The following DNAH14 variants were observed in gnomAD, a reference collection of about 807,000 sequenced individuals.
DNAH14 encodes dynein axonemal heavy chain 14, also known as axonemal beta dynein heavy chain 14.
In DNAH14, 478 loss-of-function variants were observed where a neutral mutation model predicts 520.9. The ratio of observed to expected loss-of-function variants is 0.92; its 90% CI spans 0.85 to 0.99. The LOEUF (loss-of-function observed/expected upper bound fraction) is 0.99. DNAH14 is among the 50% of genes least tolerant of loss of function. DNAH14 has a pLI of 0.00. For missense variants in DNAH14, 4,831 were observed against 5,234.5 expected (o/e 0.92, Z 2.38); for synonymous variants, 1,581 against 1,757.2 (o/e 0.90, Z 2.51).
At chr1:225,253,645 A>C (rs2092636033) in intron 44 of DNAH14, among the ~76,000 whole-genome samples, 1 of 151,990 alleles carries the variant, frequency 6.6e-6, no homozygotes, top group African/African-American at 2.4e-5. Context: ...ATGTGTTTTG[A>C]AGGTCACCCA....
chr1:225,326,528 G>A (rs567990917), intron 64 of DNAH14, among the ~76,000 whole-genome samples: 2 of 152,150 alleles, frequency 1.3e-5, no homozygotes, highest in Admixed American at 1.3e-4. Flanking sequence ...GGACCCTTTA[G>A]CAATCACTAC....
At chr1:225,325,031 A>C (rs899319855) in intron 64 of DNAH14, among the ~76,000 whole-genome samples, 199 bp downstream of exon 64, 8 of 151,856 alleles carry the variant, frequency 5.3e-5, no homozygotes, top group Admixed American at 3.9e-4. Context: ...ACCACATAAT[A>C]AAACACTCTA....
At chr1:225,314,321 T>A (rs2094428564) in intron 60 of DNAH14, among the ~76,000 whole-genome samples, 1 of 152,240 alleles carries the variant, frequency 6.6e-6, no homozygotes, top group African/African-American at 2.4e-5. Context: ...TATTTTGACC[T>A]ATGTGTGTCT....
intron 8 of DNAH14, among the ~76,000 whole-genome samples, chr1:224,976,264 C>T (rs9426103): frequency 0.096 from 14,551 of 150,886 alleles, 2,249 homozygotes; most frequent in African/African-American, 0.33. Flanking sequence ...GAGCTGAGTT[C>T]AATTCCTGGG....
In DNAH14 at chr1:225,272,970, C is replaced by T. The variant is rs1003176230; in HGVS notation, c.7855C>T (p.Leu2619=). ...RDMFKLLLGL[L]QADRTVVNSK... ...TCCCTAACAGCTTCTCCTAGGATTG[C>T]TGCAAGCTGACAGGACTGTTGTTAA... The change falls in exon 52 of 86, where the codon CTG becomes TTG. Residue 2619 remains leucine, a synonymous_variant. Transcript: ENST00000682510. The T allele has an allele frequency of 1.2e-5, 18 of 1,537,886 alleles. No individual in the cohort carries two copies. The highest frequency in any genetic ancestry group is 1.3e-5 in the Non-Finnish European group (15 of 1,143,422).
chr1:225,141,158 A>C, intron 28 of DNAH14, 137 bp downstream of exon 28: 3 of 829,826 alleles, frequency 3.6e-6, no homozygotes, highest in Non-Finnish European at 5.4e-6. Flanking sequence ...AGCAAACTGT[A>C]CCAATCTGAG....
intron 21 of DNAH14, among the ~76,000 whole-genome samples, chr1:225,094,556 G>A (rs986600297): frequency 2.7e-5 from 4 of 150,494 alleles, no homozygotes; most frequent in African/African-American, 7.3e-5. Context: ...CCATTCTAGG[G>A]GCCAAGGCAA....
intron 68 of DNAH14, among the ~76,000 whole-genome samples, chr1:225,339,701 T>C (rs1187325124): frequency 6.6e-6 from 1 of 152,244 alleles, no homozygotes; most frequent in Non-Finnish European, 1.5e-5. Context: ...GCTTCAGTGA[T>C]AGACCTCACT....
chr1:224,992,098 C>G (rs2063098260), intron 8 of DNAH14, among the ~76,000 whole-genome samples: 1 of 151,870 alleles, frequency 6.6e-6, no homozygotes, highest in African/African-American at 2.4e-5. Flanking sequence ...GTATATATGT[C>G]TGATTTTTTT....
At chr1:224,951,586 G>A (rs1198148100) in intron 1 of DNAH14, among the ~76,000 whole-genome samples, 1 of 150,798 alleles carries the variant, frequency 6.6e-6, no homozygotes, top group African/African-American at 2.4e-5. Flanking sequence ...TCAATAGGTA[G>A]ACTGTCCTAC....
chr1:225,038,021 C>T (rs2067132054), intron 11 of DNAH14, among the ~76,000 whole-genome samples: 1 of 152,084 alleles, frequency 6.6e-6, no homozygotes, highest in Non-Finnish European at 1.5e-5. Flanking sequence ...CTTACTGTTA[C>T]CAGTGAGTTT....
chr1:225,300,453 TC>T (rs1378224941), intron 55 of DNAH14, among the ~76,000 whole-genome samples: 1 of 152,204 alleles, frequency 6.6e-6, no homozygotes, highest in Non-Finnish European at 1.5e-5. Context: ...CCACAGTGGC[TC>T]ATGCCTGTAA....
At chr1:224,934,610 C>T (rs1004339247) in intron 1 of DNAH14, among the ~76,000 whole-genome samples, 4 of 151,556 alleles carry the variant, frequency 2.6e-5, no homozygotes, top group African/African-American at 9.7e-5. Context: ...ATTAGAAAAC[C>T]TGTTTTACAA....
At chr1:225,185,046 A>G (rs931106881) in intron 36 of DNAH14, among the ~76,000 whole-genome samples, 10 of 152,126 alleles carry the variant, frequency 6.6e-5, no homozygotes, top group Admixed American at 2.6e-4. Flanking sequence ...TTTAAAAAAC[A>G]TAGCCAAGAG....
chr1:225,000,566 C>CTTTGTTT (rs2063690086), intron 8 of DNAH14, among the ~76,000 whole-genome samples: 1 of 133,320 alleles, frequency 7.5e-6, no homozygotes, highest in Non-Finnish European at 1.6e-5. Context: ...AAGGTTTGTT[C>CTTTGTTT]TTTTTTTTTT....
chr1:224,983,305 C>T (rs756628808), intron 8 of DNAH14, among the ~76,000 whole-genome samples: 38 of 152,052 alleles, frequency 2.5e-4, no homozygotes, highest in Non-Finnish European at 3.8e-4. Context: ...CGTGAAATGC[C>T]TTTTTCCACC....
rs540993349 is a variant in DNAH14, at chr1:225,139,069, CTT to C, written c.4255-1697_4255-1696del. ...TTGCCTTGACTCACAATTTTCAAGT[CTT>C]TGTTAAAATAACCTTGGATTGTGGA... On this transcript the variant is annotated intron_variant, in intron 27 of 85. Coordinates refer to ENST00000682510, the MANE Select transcript of DNAH14 (RefSeq NM_001367479.1). Among the ~76,000 whole-genome samples, 51 of 152,222 alleles carry C rather than the reference CTT, an allele frequency of 3.4e-4. No homozygotes were observed. In the South Asian group the frequency reaches 4.8e-3, roughly 14 times the overall value.
intron 57 of DNAH14, among the ~76,000 whole-genome samples, chr1:225,303,958 T>C (rs547499906): frequency 3.3e-5 from 5 of 152,110 alleles, no homozygotes; most frequent in African/African-American, 1.2e-4. Flanking sequence ...CTTACTTGTC[T>C]AAGTGATCAA....
At chr1:225,117,394 C>A (rs546812882) in intron 23 of DNAH14, among the ~76,000 whole-genome samples, 5 of 150,854 alleles carry the variant, frequency 3.3e-5, no homozygotes, top group Non-Finnish European at 5.9e-5. Context: ...TGCCTGCTCC[C>A]AGGCAATAAT....
Sources: allele counts gnomAD v4.1 joint callset (sites outside exome capture counted in the v4.1 genomes callset), GRCh38; gene constraint gnomAD v4.1.1; transcripts MANE v1.5; gene names NCBI Gene and HGNC (gene_info 2026-07-23, HGNC 2026-07-21).